The following REDIC1 variants were observed in gnomAD, a reference collection of about 807,000 sequenced individuals.
REDIC1 encodes regulator of DNA class I crossover intermediates 1, also known as HEI10 Interacting Protein 1.
the REDIC1 span, among the ~76,000 whole-genome samples, chr12:39,655,800 T>C: frequency 5.3e-5 from 8 of 152,330 alleles, no homozygotes; most frequent in African/African-American, 7.2e-5. Flanking sequence ...CTATTTCTAC[T>C]AAGGCTCAGT....
At chr12:39,901,894 T>A in the REDIC1 span, among the ~76,000 whole-genome samples, 1 of 151,702 alleles carries the variant, frequency 6.6e-6, no homozygotes, top group East Asian at 1.9e-4. Flanking sequence ...CATGCACACG[T>A]ATGTTTATTG....
chr12:39,778,573 TG>T, the REDIC1 span, among the ~76,000 whole-genome samples: 1 of 152,228 alleles, frequency 6.6e-6, no homozygotes, highest in Non-Finnish European at 1.5e-5. Flanking sequence ...TGTGTTATTT[TG>T]GTTTAAAAAT....
At chr12:39,667,929 C>T in the REDIC1 span, among the ~76,000 whole-genome samples, 1 of 152,112 alleles carries the variant, frequency 6.6e-6, no homozygotes, top group African/African-American at 2.4e-5. Context: ...GTAGATCTTC[C>T]TCCATCCCTT....
the REDIC1 span, among the ~76,000 whole-genome samples, chr12:39,824,087 A>G: frequency 6.6e-6 from 1 of 152,224 alleles, no homozygotes; most frequent in South Asian, 2.1e-4. Flanking sequence ...AAAACACCAA[A>G]GGTTTAAAAA....
the REDIC1 span, among the ~76,000 whole-genome samples, chr12:39,907,263 C>T: frequency 6.6e-6 from 1 of 152,194 alleles, no homozygotes; most frequent in East Asian, 1.9e-4. Flanking sequence ...TGATAATCCA[C>T]CCACATGCAA....
At chr12:39,739,900 C>T in the REDIC1 span, among the ~76,000 whole-genome samples, 2 of 152,194 alleles carry the variant, frequency 1.3e-5, no homozygotes, top group Admixed American at 1.3e-4. Flanking sequence ...CTCAAGCTCG[C>T]ATGCTTCTGC....
At chr12:39,850,902 A>T in the REDIC1 span, among the ~76,000 whole-genome samples, 330 of 144,948 alleles carry the variant, frequency 2.3e-3, 2 homozygotes, top group African/African-American at 7.5e-3. Context: ...CACAAAGTTA[A>T]TTTTTTTTTT....
At chr12:39,811,266 T>C in the REDIC1 span, among the ~76,000 whole-genome samples, 1 of 152,096 alleles carries the variant, frequency 6.6e-6, no homozygotes, top group Non-Finnish European at 1.5e-5. Flanking sequence ...AATTACCTTT[T>C]GATTTCATTT....
At chr12:39,848,401 C>T in the REDIC1 span, among the ~76,000 whole-genome samples, 12 of 152,096 alleles carry the variant, frequency 7.9e-5, no homozygotes, top group Non-Finnish European at 8.8e-5. Flanking sequence ...GACATACGTG[C>T]AGCCAAGGAG....
At chr12:39,709,082 C>T in the REDIC1 span, among the ~76,000 whole-genome samples, 3 of 151,776 alleles carry the variant, frequency 2.0e-5, no homozygotes, top group Admixed American at 6.6e-5. Context: ...AAGTTTTCCT[C>T]ACATAGATTC....
the REDIC1 span, among the ~76,000 whole-genome samples, chr12:39,889,812 G>A: frequency 2.6e-5 from 4 of 152,050 alleles, no homozygotes; most frequent in Admixed American, 2.6e-4. Flanking sequence ...TTACAGGTGT[G>A]AGCCACCAGG....
chr12:39,644,715 G>T, the REDIC1 span, among the ~76,000 whole-genome samples: 1 of 151,754 alleles, frequency 6.6e-6, no homozygotes, highest in East Asian at 1.9e-4. Context: ...ACTTATTGTT[G>T]TAAATCTTTT....
the REDIC1 span, among the ~76,000 whole-genome samples, chr12:39,657,104 A>G: frequency 1.3e-5 from 2 of 152,170 alleles, no homozygotes; most frequent in Non-Finnish European, 2.9e-5. Flanking sequence ...TCACTGACTT[A>G]CCCAAAACAA....
the REDIC1 span, among the ~76,000 whole-genome samples, chr12:39,679,422 A>G: frequency 2.0e-5 from 3 of 151,970 alleles, no homozygotes; most frequent in Non-Finnish European, 4.4e-5. Flanking sequence ...TGCAAAAAAT[A>G]AAATACACCT....
At chr12:39,704,069 A>G in the REDIC1 span, among the ~76,000 whole-genome samples, 2 of 152,232 alleles carry the variant, frequency 1.3e-5, no homozygotes, top group Non-Finnish European at 2.9e-5. Context: ...CAAAATTGAC[A>G]AATGCGATCT....
the REDIC1 span, among the ~76,000 whole-genome samples, chr12:39,849,284 T>C: frequency 6.6e-6 from 1 of 152,180 alleles, no homozygotes; most frequent in Non-Finnish European, 1.5e-5. Context: ...AGTGACTCAA[T>C]GTGCATTGGT....
At chr12:39,655,664 A>G in the REDIC1 span, among the ~76,000 whole-genome samples, 4 of 152,190 alleles carry the variant, frequency 2.6e-5, no homozygotes, top group East Asian at 7.7e-4. Flanking sequence ...ATGGTTTGCC[A>G]CTGAAAATAT....
chr12:39,814,932 G>A, the REDIC1 span, among the ~76,000 whole-genome samples: 1 of 151,590 alleles, frequency 6.6e-6, no homozygotes, highest in African/African-American at 2.4e-5. Context: ...AGATTTTTAA[G>A]TTGGTCTTTA....
chr12:39,726,541 A>G, the REDIC1 span, among the ~76,000 whole-genome samples: 1 of 152,000 alleles, frequency 6.6e-6, no homozygotes, highest in East Asian at 1.9e-4. Context: ...TATGTGCCAC[A>G]TTTTCTTTAT....
Sources: allele counts gnomAD v4.1 joint callset (sites outside exome capture counted in the v4.1 genomes callset), GRCh38; gene constraint gnomAD v4.1.1; transcripts MANE v1.5; gene names NCBI Gene and HGNC (gene_info 2026-07-23, HGNC 2026-07-21).